WDR41: variants seen among roughly 807,000 people sequenced by gnomAD.
WDR41 encodes WD repeat domain 41.
WDR41 carries 63 observed loss-of-function variants against 69.3 expected under a neutral mutation model. The observed-to-expected ratio is 0.91, with a 90% CI of 0.74 to 1.12. WDR41 has a LOEUF of 1.12. Ranked by LOEUF, WDR41 falls within the 50% of genes most tolerant of loss-of-function variation. The pLI, the probability that WDR41 is intolerant of heterozygous loss-of-function variation, is 0.00. For missense variants in WDR41, 543 were observed against 534.5 expected, an observed-to-expected ratio of 1.02 and a Z score of -0.16; for synonymous variants, 185 against 192.1, an observed-to-expected ratio of 0.96 and a Z score of 0.31.
intron 1 of WDR41, among the ~76,000 whole-genome samples, chr5:77,605,849 A>G (rs1008101168): frequency 5.3e-5 from 8 of 152,230 alleles, no homozygotes; most frequent in Non-Finnish European, 1.2e-4. Context: ...TTTGACTGAT[A>G]GACTTTATAC....
intron 1 of WDR41, among the ~76,000 whole-genome samples, chr5:77,567,347 G>C (rs77000833): frequency 0.035 from 5,290 of 152,094 alleles, 132 homozygotes; most frequent in Middle Eastern, 0.099. Context: ...ACATCTCCTA[G>C]CATTCTTGGG....
At chr5:77,436,495 T>TA in intron 11 of WDR41, 101 bp from the exon 12 acceptor site, 1 of 1,446,206 alleles carries the variant, frequency 6.9e-7, no homozygotes. Flanking sequence ...AGACTTATTT[T>TA]AGTCAAGGGC....
chr5:77,469,983 C>T (rs987486402), intron 2 of WDR41, among the ~76,000 whole-genome samples: 6 of 150,866 alleles, frequency 4.0e-5, no homozygotes, highest in South Asian at 4.2e-4. Flanking sequence ...TTGTCAGATT[C>T]ACCAAAGTTG....
chr5:77,529,467 A>G (rs1246297399), intron 1 of WDR41, among the ~76,000 whole-genome samples: 2 of 151,618 alleles, frequency 1.3e-5, no homozygotes, highest in Non-Finnish European at 3.0e-5. Context: ...ATACAGAGAA[A>G]CAATAAAACC....
At chr5:77,594,713 A>T (rs192498418) in intron 1 of WDR41, among the ~76,000 whole-genome samples, 2 of 152,310 alleles carry the variant, frequency 1.3e-5, no homozygotes, top group Admixed American at 1.3e-4. Context: ...TGGTAACGTA[A>T]CAGAGCCCTT....
chr5:77,545,718 C>A lies in WDR41; in HGVS notation c.43-56146G>T, dbSNP rs1743181755. ...AGGTTACGCCAGTGCAGAAGCAGACCCACGCTGGCCAGTGCACCAGGTTCA... is the reference window on the plus strand; with the variant it reads ...AGGTTACGCCAGTGCAGAAGCAGACACACGCTGGCCAGTGCACCAGGTTCA... On this transcript the variant is annotated intron_variant, in intron 1 of 5. Coordinates refer to the WDR41 transcript ENST00000509971. The A allele has an allele frequency of 7.6e-6, 4 of 523,870 alleles. No individual in the cohort carries two copies. The African/African-American group carries it at 7.9e-5, about 10-fold the overall frequency. 32.5% of individuals were successfully genotyped at this position (523,870 alleles called of 1,614,324 possible).
chr5:77,517,472 G>T (rs1375860250), intron 1 of WDR41, among the ~76,000 whole-genome samples: 4 of 152,048 alleles, frequency 2.6e-5, no homozygotes, highest in Admixed American at 2.6e-4. Context: ...GCTAGACCAT[G>T]CTTAGTTCTC....
chr5:77,537,108 C>T (rs1047100482), intron 1 of WDR41, among the ~76,000 whole-genome samples: 7 of 152,214 alleles, frequency 4.6e-5, no homozygotes, highest in African/African-American at 1.7e-4. Flanking sequence ...ATAATCAGTA[C>T]AGACATTTTG....
At chr5:77,598,185 T>C (rs1177459397) in intron 1 of WDR41, among the ~76,000 whole-genome samples, 1 of 152,250 alleles carries the variant, frequency 6.6e-6, no homozygotes, top group African/African-American at 2.4e-5. Flanking sequence ...GGTATTGGGC[T>C]ATCATACTTC....
At chr5:77,472,047 C>T (rs1800645973) in intron 2 of WDR41, among the ~76,000 whole-genome samples, 1 of 152,154 alleles carries the variant, frequency 6.6e-6, no homozygotes, top group Non-Finnish European at 1.5e-5. Flanking sequence ...AAACCGAATC[C>T]AGCAGCACAT....
At chr5:77,447,925 G>A (rs142796379) in intron 8 of WDR41, among the ~76,000 whole-genome samples, 86 of 152,300 alleles carry the variant, frequency 5.6e-4, no homozygotes, top group African/African-American at 1.9e-3. Flanking sequence ...AAAAGTGCAT[G>A]AGGCTTTCTG....
intron 2 of WDR41, among the ~76,000 whole-genome samples, chr5:77,478,886 G>T (rs1469918736): frequency 2.6e-5 from 4 of 151,876 alleles, no homozygotes. Context: ...AAGTCAAACT[G>T]TCCCTGTTTG....
At chr5:77,484,321 G>A (rs1295786705) in intron 2 of WDR41, among the ~76,000 whole-genome samples, 4 of 152,142 alleles carry the variant, frequency 2.6e-5, no homozygotes, top group Non-Finnish European at 5.9e-5. Context: ...TGACACTGCC[G>A]AAATTCCCCG....
At chr5:77,618,641 A>G (rs112814600) in intron 1 of WDR41, among the ~76,000 whole-genome samples, 6,544 of 152,250 alleles carry the variant, frequency 0.043, 478 homozygotes, top group African/African-American at 0.15. Context: ...CTGAAGTGCT[A>G]GGATTACAGG....
intron 1 of WDR41, among the ~76,000 whole-genome samples, chr5:77,595,152 TC>T (rs199888349): frequency 4.2e-5 from 3 of 71,722 alleles, no homozygotes; most frequent in African/African-American, 6.8e-5. Flanking sequence ...TTTAAGGTCT[TC>T]TTCGTGCTTC....
intron 8 of WDR41, 26 bp downstream of exon 8, chr5:77,449,734 A>C (rs769996427): frequency 6.6e-7 from 1 of 1,515,560 alleles, no homozygotes; most frequent in African/African-American, 1.4e-5. Context: ...AAAACTGTAC[A>C]TAATAAATGT....
intron 2 of WDR41, among the ~76,000 whole-genome samples, chr5:77,478,442 C>A (rs1383440908): frequency 2.0e-5 from 3 of 152,146 alleles, no homozygotes; most frequent in African/African-American, 7.2e-5. Flanking sequence ...TAATGGCAAA[C>A]CGAATCCAGC....
intron 1 of WDR41, among the ~76,000 whole-genome samples, chr5:77,616,632 T>G (rs1164755381): frequency 2.0e-5 from 3 of 152,200 alleles, no homozygotes; most frequent in Non-Finnish European, 2.9e-5. Flanking sequence ...ATACATTTAC[T>G]TCAAGTCGTA....
intron 1 of WDR41, among the ~76,000 whole-genome samples, chr5:77,606,433 G>A (rs1744419686): frequency 6.6e-6 from 1 of 152,208 alleles, no homozygotes; most frequent in Non-Finnish European, 1.5e-5. Flanking sequence ...TGAACACCAT[G>A]CTAAATATCA....
Sources: gnomAD v4.1 joint callset for allele counts (sites outside exome capture counted in the v4.1 genomes callset) on GRCh38, gnomAD v4.1.1 for gene constraint, MANE v1.5 for transcripts, NCBI Gene and HGNC (gene_info 2026-07-23, HGNC 2026-07-21) for gene names.